The following DPP8 variants were observed in gnomAD, a reference collection of about 807,000 sequenced individuals.
DPP8 encodes the protein dipeptidyl peptidase 8.
In DPP8, 31 loss-of-function variants were observed where a neutral mutation model predicts 107.5. That is an observed-to-expected ratio of 0.29 (90% CI 0.22 to 0.39). The LOEUF (loss-of-function observed/expected upper bound fraction) is 0.39, where lower values mean the gene tolerates loss of function less well. Among genes scored for constraint, DPP8 ranks in the 10% least tolerant of loss-of-function variants. DPP8 has a pLI of 1.00. For missense variants in DPP8, 842 were observed against 1,076.1 expected (o/e 0.78, Z 3.04); for synonymous variants, 381 against 356.6 (o/e 1.07, Z -0.77).
At chr15:65,515,713 T>C in intron 1 of DPP8, 1 of 1,612,730 alleles carries the variant, frequency 6.2e-7, no homozygotes, top group Middle Eastern at 1.6e-4. Context: ...CTTTTTCAAG[T>C]GACTCGACTT....
chr15:65,475,712 G>A, intron 11 of DPP8: 1 of 529,498 alleles, frequency 1.9e-6, no homozygotes, highest in South Asian at 1.9e-5. Context: ...AAATAACCCA[G>A]GTAAGTGTTT....
At chr15:65,485,353 G>A (rs2067304677) in intron 7 of DPP8, among the ~76,000 whole-genome samples, 193 bp from the exon 8 acceptor site, 1 of 151,604 alleles carries the variant, frequency 6.6e-6, no homozygotes, top group African/African-American at 2.4e-5. Flanking sequence ...AGACCACCCT[G>A]GCCAACATGG....
chr15:65,495,967 T>A (rs2068549447), intron 5 of DPP8, among the ~76,000 whole-genome samples: 2 of 151,928 alleles, frequency 1.3e-5, no homozygotes, highest in South Asian at 4.2e-4. Context: ...ACATATCTGT[T>A]AACAATGATT....
chr15:65,491,777 A>T (rs2068056475), intron 5 of DPP8, among the ~76,000 whole-genome samples: 1 of 152,076 alleles, frequency 6.6e-6, no homozygotes, highest in Admixed American at 6.5e-5. Flanking sequence ...CTGTTGCCCA[A>T]ACTGGAGTGC....
chr15:65,470,723 C>T (rs1157760592), intron 12 of DPP8, among the ~76,000 whole-genome samples: 2 of 150,982 alleles, frequency 1.3e-5, no homozygotes, highest in African/African-American at 4.9e-5. Context: ...GTTCAAGACC[C>T]TCCTGGCCAA....
chr15:65,494,603 A>T (rs955150480), intron 5 of DPP8, among the ~76,000 whole-genome samples: 2 of 146,850 alleles, frequency 1.4e-5, no homozygotes, highest in Non-Finnish European at 3.0e-5. Flanking sequence ...CAGCCCCGTG[A>T]AGACTGCAGT....
Position 65,443,459 on chromosome 15 carries a change from G to A in DPP8, c.*3425C>T, listed in dbSNP as rs900085073. On this transcript the variant is annotated 3_prime_UTR_variant, in exon 20 of 20. Transcript: ENST00000300141. ...AAAGAGAACTATGCTATAGAAAGGC[G>A]GGCTATACTTTCTGGAAGGAATAAA... 1.9e-4 allele frequency: 29 copies of A among 150,932 alleles called. No homozygotes were observed. Among genetic ancestry groups the A allele is most frequent in the African/African-American group, 6.1e-4 (25 of 40,758 alleles). The allele number at this position is 150,932 out of a possible 1,614,324, so 9.3% of individuals were successfully genotyped here. A position where few individuals can be genotyped will look rare whatever the true frequency, so the allele number is the denominator to read the frequency against.
In DPP8 at chr15:65,488,732, T is replaced by C. The variant is rs536650565; in HGVS notation, c.827-914A>G. Among the ~76,000 whole-genome samples, 3 of 152,104 alleles carry C rather than the reference T, an allele frequency of 2.0e-5. No individual in the cohort carries two copies. The South Asian group carries it at 6.2e-4, about 32-fold the overall frequency. On this transcript the variant is annotated intron_variant, in intron 6 of 19. Transcript: ENST00000300141. ...TTTTCAGTTTTATCTATACAGTATA[T>C]GTATTAGGCCACAATATAAGTACAC...
chr15:65,503,077 T>C (rs2069446066), intron 3 of DPP8, among the ~76,000 whole-genome samples: 1 of 152,100 alleles, frequency 6.6e-6, no homozygotes, highest in Admixed American at 6.6e-5. Context: ...AGACACAGAA[T>C]ACCCAAAACA....
Position 65,466,814 on chromosome 15 carries a change from C to CT in DPP8, c.1690-2dup. On this transcript the variant is annotated splice_acceptor_variant, in intron 13 of 19. Coordinates refer to ENST00000300141, the MANE Select transcript of DPP8 (RefSeq NM_130434.5). LOFTEE classifies it high-confidence loss of function. ...ACTTACTTATAAAGAAGTCACAGTG[C>CT]TAGAGAAAGGAGAAACAATTATATT... 1 of 1,608,774 alleles carries CT rather than the reference C, an allele frequency of 6.2e-7. No homozygotes were observed. Among genetic ancestry groups the CT allele is most frequent in the Non-Finnish European group, 8.5e-7 (1 of 1,178,648 alleles).
At chr15:65,511,452 T>G (rs1465694817) in intron 2 of DPP8, among the ~76,000 whole-genome samples, 1 of 151,786 alleles carries the variant, frequency 6.6e-6, no homozygotes, top group Non-Finnish European at 1.5e-5. Flanking sequence ...AATCGCAGCT[T>G]GAGCAACATG....
chr15:65,464,089 C>T (rs1389696046), intron 14 of DPP8, among the ~76,000 whole-genome samples, 183 bp from the exon 15 acceptor site: 1 of 152,178 alleles, frequency 6.6e-6, no homozygotes, highest in African/African-American at 2.4e-5. Context: ...CTAGGCCGGG[C>T]GCAGTGGCTC....
chr15:65,446,844 A>C lies in DPP8; in HGVS notation c.*40T>G. 1 of 1,551,498 alleles carries C rather than the reference A, an allele frequency of 6.4e-7. No homozygotes were observed. The highest frequency in any genetic ancestry group is 8.7e-7 in the Non-Finnish European group (1 of 1,150,054). On this transcript the variant is annotated 3_prime_UTR_variant, in exon 20 of 20. Transcript: ENST00000300141. ...TTGATTAAACCTCCTCATTTGGTTA[A>C]ATAGCCAGTGTATACCAGAGAGTTC...
intron 4 of DPP8, among the ~76,000 whole-genome samples, chr15:65,499,105 G>A (rs2456013): frequency 0.023 from 3,232 of 138,758 alleles, 81 homozygotes; most frequent in African/African-American, 0.067. Flanking sequence ...GTGTGTGTGT[G>A]TATATATAAA....
At chr15:65,483,717 C>G (rs532414198) in intron 8 of DPP8, among the ~76,000 whole-genome samples, 1 of 152,082 alleles carries the variant, frequency 6.6e-6, no homozygotes, top group Non-Finnish European at 1.5e-5. Flanking sequence ...CTCAACAATT[C>G]TACTCCTAGG....
intron 11 of DPP8, among the ~76,000 whole-genome samples, chr15:65,474,822 C>T (rs1380935887): frequency 6.6e-6 from 1 of 152,038 alleles, no homozygotes; most frequent in Non-Finnish European, 1.5e-5. Flanking sequence ...AAAAAGTCTA[C>T]AGTTAAAAAA....
At chr15:65,482,848 G>A (rs889084175) in intron 8 of DPP8, among the ~76,000 whole-genome samples, 1 of 151,992 alleles carries the variant, frequency 6.6e-6, no homozygotes, top group Non-Finnish European at 1.5e-5. Context: ...TGTAATCCCA[G>A]CACTTTGAGA....
Position 65,446,823 on chromosome 15 carries a change from T to C in DPP8, c.*61A>G, listed in dbSNP as rs1344280731. ...TGATCAATTCTGTGTTTTCTGTTGATTAAACCTCCTCATTTGGTTAAATAG... is the reference window on the plus strand; with the variant it reads ...TGATCAATTCTGTGTTTTCTGTTGACTAAACCTCCTCATTTGGTTAAATAG... On this transcript the variant is annotated 3_prime_UTR_variant, in exon 20 of 20. Coordinates refer to ENST00000300141, the MANE Select transcript of DPP8 (RefSeq NM_130434.5). 5 of 1,500,458 alleles carry C rather than the reference T, an allele frequency of 3.3e-6. No individual in the cohort carries two copies. The highest frequency in any genetic ancestry group is 1.8e-4 in the Middle Eastern group (1 of 5,654). 92.9% of individuals were successfully genotyped at this position (1,500,458 alleles called of 1,614,324 possible). A position where few individuals can be genotyped will look rare whatever the true frequency, so the allele number is the denominator to read the frequency against.
chr15:65,463,901 G>A lies in DPP8; in HGVS notation c.1831C>T (p.Leu611Phe). Reference protein sequence around the residue: ...WATILDSAGPLPDYTPPEIFS... With the variant: ...WATILDSAGPFPDYTPPEIFS... ...ATTTCTGGAGGAGTATAGTCAGGAA[G>A]AGGACCTGTGAATAGGTAACATAAC... Residue 611 changes from leucine to phenylalanine, a missense_variant, in exon 15 of 20, where the codon CTT (leucine) becomes TTT (phenylalanine). This residue lies in a region of DPP8 where 663 missense variants were observed against 758.0 expected (regional missense o/e 0.87). Transcript: ENST00000300141. 2.5e-6 allele frequency: 4 copies of A among 1,568,670 alleles called. No individual in the cohort carries two copies. Among genetic ancestry groups the A allele is most frequent in the Non-Finnish European group, 3.4e-6 (4 of 1,162,208 alleles).
Sources: allele counts gnomAD v4.1 joint callset (sites outside exome capture counted in the v4.1 genomes callset), GRCh38; gene constraint gnomAD v4.1.1; regional missense constraint gnomAD v4.1.1; transcripts MANE v1.5; gene names NCBI Gene and HGNC (gene_info 2026-07-23, HGNC 2026-07-21).